The following ANGEL2 variants were observed in gnomAD, a reference collection of about 807,000 sequenced individuals.
ANGEL2 encodes RNA 2',3'-cyclic phosphatase ANGEL2.
A neutral mutation model predicts 66.0 loss-of-function variants in ANGEL2; 41 were observed. The observed-to-expected ratio is 0.62, with a 90% confidence interval of 0.48 to 0.81. The LOEUF (loss-of-function observed/expected upper bound fraction) is 0.81, where lower values mean the gene tolerates loss of function less well. ANGEL2 is among the 30% of genes least tolerant of loss of function. The pLI is 0.00. For missense variants in ANGEL2, 561 were observed against 641.6 expected, an observed-to-expected ratio of 0.87 and a Z score of 1.36; for synonymous variants, 208 against 226.5, an observed-to-expected ratio of 0.92 and a Z score of 0.73.
chr1:213,010,227 T>C (rs1250714694), intron 2 of ANGEL2, among the ~76,000 whole-genome samples: 1 of 152,088 alleles, frequency 6.6e-6, no homozygotes, highest in Non-Finnish European at 1.5e-5. Context: ...AGGCCAATTG[T>C]ACTGGCTCTG....
At chr1:212,997,081 C>T (rs1572106558) in intron 8 of ANGEL2, 74 bp downstream of exon 8, 1 of 1,356,876 alleles carries the variant, frequency 7.4e-7, no homozygotes, top group Non-Finnish European at 1.0e-6. Context: ...GTTTAGAGAG[C>T]TTTCTTAACT....
At chr1:213,008,036 T>C (rs2148166216) in intron 3 of ANGEL2, among the ~76,000 whole-genome samples, 174 bp downstream of exon 3, 1 of 152,130 alleles carries the variant, frequency 6.6e-6, no homozygotes, top group East Asian at 1.9e-4. Context: ...GCTAATTTTG[T>C]ATGTTTTAGT....
intron 7 of ANGEL2, among the ~76,000 whole-genome samples, chr1:212,999,516 A>C (rs932262146): frequency 6.6e-6 from 1 of 152,332 alleles, no homozygotes; most frequent in African/African-American, 2.4e-5. Flanking sequence ...TTTATGTAGT[A>C]ATATTTTCTC....
rs537106347 is a variant in ANGEL2, at chr1:213,002,873, G to A, written c.1135-1961C>T. On this transcript the variant is annotated intron_variant, in intron 5 of 8. Coordinates refer to ENST00000366962, the MANE Select transcript of ANGEL2 (RefSeq NM_144567.5). ...GCAGAGGTAGCAGTGAACCGAGATC[G>A]TGTCACTGCAGTCCAGCCTGGGCAA... Among the ~76,000 whole-genome samples, 6 of 150,290 alleles carry A rather than the reference G, an allele frequency of 4.0e-5. No individual in the cohort carries two copies. In the South Asian group the frequency reaches 8.4e-4, roughly 21 times the overall value.
intron 6 of ANGEL2, 167 bp downstream of exon 6, chr1:213,000,619 C>T (rs969426099): frequency 5.7e-5 from 46 of 814,012 alleles, no homozygotes; most frequent in Non-Finnish European, 8.0e-5. Flanking sequence ...GGAAGTTCAA[C>T]TTTAAAAAGG....
At chr1:213,013,580 G>C (rs2076563732) in intron 1 of ANGEL2, among the ~76,000 whole-genome samples, 162 bp from the exon 2 acceptor site, 1 of 152,094 alleles carries the variant, frequency 6.6e-6, no homozygotes, top group Admixed American at 6.5e-5. Flanking sequence ...TTACCTATTG[G>C]CATCAATATC....
chr1:212,996,667 A>ATATATATG (rs1321594564), intron 8 of ANGEL2, among the ~76,000 whole-genome samples: 2 of 137,418 alleles, frequency 1.5e-5, no homozygotes, highest in African/African-American at 5.3e-5. Context: ...ATATATATAT[A>ATATATATG]TATACTTTTC....
At chr1:213,003,492 T>C (rs1400132522) in intron 5 of ANGEL2, among the ~76,000 whole-genome samples, 1 of 152,200 alleles carries the variant, frequency 6.6e-6, no homozygotes, top group Non-Finnish European at 1.5e-5. Context: ...GGCTATTACT[T>C]GGCCTAGTTT....
At chr1:213,012,609 A>T (rs2076536971) in intron 2 of ANGEL2, among the ~76,000 whole-genome samples, 1 of 152,256 alleles carries the variant, frequency 6.6e-6, no homozygotes, top group Non-Finnish European at 1.5e-5. Context: ...GTAATAAATG[A>T]AAATCTTATC....
chr1:213,005,566 T>G, intron 4 of ANGEL2, 112 bp from the exon 5 acceptor site: 1 of 1,126,614 alleles, frequency 8.9e-7, no homozygotes, highest in Non-Finnish European at 1.2e-6. Context: ...TGCAAAACAT[T>G]AGTAATGTAG....
chr1:212,998,943 G>A (rs1437613033), intron 7 of ANGEL2, among the ~76,000 whole-genome samples: 6 of 151,860 alleles, frequency 4.0e-5, no homozygotes, highest in Non-Finnish European at 7.4e-5. Context: ...GCGGTGGTGC[G>A]ATCTCGGCTC....
Position 213,008,504 on chromosome 1 carries a change from A to C in ANGEL2, c.386-38T>G, listed in dbSNP as rs1211260556. 1.9e-6 allele frequency: 3 copies of C among 1,587,844 alleles called. No homozygotes were observed. In the African/African-American group the frequency reaches 4.1e-5, roughly 21 times the overall value. On this transcript the variant is annotated intron_variant, in intron 2 of 8. Coordinates refer to ENST00000366962, the MANE Select transcript of ANGEL2 (RefSeq NM_144567.5). ...ATTGCACAAATATAAGGAATTAATC[A>C]AAAGCAGACCATACAGTTTCCCACA...
intron 7 of ANGEL2, among the ~76,000 whole-genome samples, chr1:212,997,643 G>C (rs1240715838): frequency 6.6e-6 from 1 of 152,122 alleles, no homozygotes; most frequent in African/African-American, 2.4e-5. Context: ...TTTTAAGAAA[G>C]AGAATCAAGG....
Position 212,994,579 on chromosome 1 carries a change from GCTTT to G in ANGEL2, c.*458_*461del, listed in dbSNP as rs1231063704. 6.6e-6 allele frequency: 1 copy of G among 152,294 alleles called. No individual in the cohort carries two copies. Among genetic ancestry groups the G allele is most frequent in the Non-Finnish European group, 1.5e-5 (1 of 68,130 alleles). 9.4% of individuals were successfully genotyped at this position (152,294 alleles called of 1,614,324 possible). The stretch of plus-strand genomic sequence containing the variant: ...GTTGGATACCTGTGAATGACCCAAG[GCTTT>G]CTAAGATAAACTATTTAGAACTCAA... On this transcript the variant is annotated 3_prime_UTR_variant, in exon 9 of 9. Transcript: ENST00000366962.
chr1:212,995,219 T>C (rs2075963533), intron 8 of ANGEL2, 27 bp from the exon 9 acceptor site: 2 of 1,570,916 alleles, frequency 1.3e-6, no homozygotes, highest in Non-Finnish European at 1.7e-6. Flanking sequence ...CACACATATT[T>C]AGTAAAATTG....
intron 4 of ANGEL2, chr1:213,006,730 T>C (rs1166263987): frequency 4.1e-5 from 7 of 170,802 alleles, no homozygotes; most frequent in African/African-American, 1.7e-4. Context: ...CTTACACATC[T>C]TTCTGTTTGA....
chr1:213,011,654 C>T (rs895987289), intron 2 of ANGEL2, among the ~76,000 whole-genome samples: 9 of 152,148 alleles, frequency 5.9e-5, no homozygotes, highest in Non-Finnish European at 1.5e-5. Context: ...TTATTTTACA[C>T]GAAAAAATCA....
At chr1:212,998,099 CAT>C (rs1004740447) in intron 7 of ANGEL2, among the ~76,000 whole-genome samples, 1 of 151,792 alleles carries the variant, frequency 6.6e-6, no homozygotes, top group Non-Finnish European at 1.5e-5. Context: ...TAATATTAAA[CAT>C]AAAATAGGGC....
chr1:213,006,490 A>G (rs1013550650), intron 4 of ANGEL2: 4 of 151,216 alleles, frequency 2.6e-5, no homozygotes, highest in Admixed American at 6.6e-5. Flanking sequence ...AAATTGCTGA[A>G]TGAATGAATG....
Sources: gnomAD v4.1 joint callset for allele counts (sites outside exome capture counted in the v4.1 genomes callset) on GRCh38, gnomAD v4.1.1 for gene constraint, MANE v1.5 for transcripts, NCBI Gene and HGNC (gene_info 2026-07-23, HGNC 2026-07-21) for gene names.